Variants in KHDRBS3 observed in about 807,000 individuals in gnomAD.
KHDRBS3 encodes the protein KH domain-containing, RNA-binding, signal transduction-associated protein 3.
A neutral mutation model predicts 45.6 loss-of-function variants in KHDRBS3; 23 were observed. That is an observed-to-expected ratio of 0.50 (90% CI 0.36 to 0.72). The LOEUF (loss-of-function observed/expected upper bound fraction) is 0.72, where lower values mean the gene tolerates loss of function less well. Ranked by LOEUF, KHDRBS3 falls within the 30% of genes least tolerant of loss-of-function variation. KHDRBS3 has a pLI of 0.00. For synonymous variants in KHDRBS3, 162 were observed against 156.5 expected, an observed-to-expected ratio of 1.04 and a Z score of -0.26; for missense variants, 352 against 424.8, an observed-to-expected ratio of 0.83 and a Z score of 1.51.
At chr8:135,577,055 C>A (rs996973963) in intron 5 of KHDRBS3, among the ~76,000 whole-genome samples, 3 of 151,944 alleles carry the variant, frequency 2.0e-5, no homozygotes, top group African/African-American at 7.2e-5. Flanking sequence ...CCTGTACTTA[C>A]ACTTCTTCCT....
chr8:135,466,976 TAA>T (rs1352663525), intron 1 of KHDRBS3, among the ~76,000 whole-genome samples: 1 of 152,206 alleles, frequency 6.6e-6, no homozygotes, highest in African/African-American at 2.4e-5. Context: ...TTAAAATAAC[TAA>T]AAGAGTATAA....
intron 7 of KHDRBS3, among the ~76,000 whole-genome samples, chr8:135,609,527 T>C (rs1187231540): frequency 6.6e-6 from 1 of 152,102 alleles, no homozygotes; most frequent in African/African-American, 2.4e-5. Context: ...ACCCCTGGGC[T>C]CAAGCAGTGT....
chr8:135,581,143 C>T (rs1462314199), intron 5 of KHDRBS3, among the ~76,000 whole-genome samples: 2 of 152,298 alleles, frequency 1.3e-5, no homozygotes, highest in Non-Finnish European at 1.5e-5. Context: ...TCCTGGAGGG[C>T]CTTATCCAGA....
intron 5 of KHDRBS3, among the ~76,000 whole-genome samples, chr8:135,565,017 C>T (rs1383416666): frequency 3.9e-5 from 6 of 152,054 alleles, no homozygotes; most frequent in Non-Finnish European, 5.9e-5. Context: ...GTGGGAGACA[C>T]GTGGGAGTGC....
At chr8:135,626,188 A>G (rs1270339580) in intron 7 of KHDRBS3, among the ~76,000 whole-genome samples, 5 of 152,212 alleles carry the variant, frequency 3.3e-5, no homozygotes, top group African/African-American at 1.2e-4. Flanking sequence ...ACTTTACAAC[A>G]GTCCTATGAA....
chr8:135,590,652 G>C (rs531966809), intron 6 of KHDRBS3, among the ~76,000 whole-genome samples: 1 of 152,172 alleles, frequency 6.6e-6, no homozygotes, highest in Non-Finnish European at 1.5e-5. Context: ...ATGTTTTAAT[G>C]ATGGTAGAAA....
At chr8:135,622,346 G>A (rs544318643) in intron 7 of KHDRBS3, among the ~76,000 whole-genome samples, 5 of 152,244 alleles carry the variant, frequency 3.3e-5, no homozygotes, top group Middle Eastern at 3.4e-3. Context: ...TACTATAAGT[G>A]TCGTAGTTTA....
intron 2 of KHDRBS3, chr8:135,540,748 T>C (rs1826007300): frequency 6.6e-6 from 1 of 152,240 alleles, no homozygotes; most frequent in African/African-American, 2.4e-5. Context: ...GATACTGATA[T>C]TTCAGTAGCT....
chr8:135,586,504 G>C (rs1828482037), intron 6 of KHDRBS3, among the ~76,000 whole-genome samples: 2 of 151,356 alleles, frequency 1.3e-5, no homozygotes, highest in Non-Finnish European at 2.9e-5. Context: ...CTGGTTTTAA[G>C]CTACCCGAAG....
chr8:135,466,261 C>A (rs1024135060), intron 1 of KHDRBS3, among the ~76,000 whole-genome samples: 1 of 152,196 alleles, frequency 6.6e-6, no homozygotes, highest in Non-Finnish European at 1.5e-5. Flanking sequence ...TGAGGTATGC[C>A]TGGCACTGTA....
intron 1 of KHDRBS3, among the ~76,000 whole-genome samples, chr8:135,474,062 A>G (rs1822148437): frequency 6.6e-6 from 1 of 152,164 alleles, no homozygotes; most frequent in Non-Finnish European, 1.5e-5. Flanking sequence ...GGAATTAGTG[A>G]TGTGTCAGTT....
intron 5 of KHDRBS3, among the ~76,000 whole-genome samples, chr8:135,567,684 C>G (rs1244319359): frequency 6.6e-6 from 1 of 152,104 alleles, no homozygotes; most frequent in African/African-American, 2.4e-5. Context: ...TTTTTAAAAG[C>G]CTGAGAAATC....
chr8:135,475,876 A>G (rs1205433589), intron 1 of KHDRBS3, among the ~76,000 whole-genome samples: 1 of 152,138 alleles, frequency 6.6e-6, no homozygotes, highest in Admixed American at 6.5e-5. Context: ...TCACATGGCT[A>G]GCTGATAACC....
rs556520272 is a variant in KHDRBS3 at position 135,619,965 on chromosome 8, A to C, written c.890+12928A>C. Among the ~76,000 whole-genome samples the C allele has an allele frequency of 5.3e-5, 8 of 152,324 alleles. No individual in the cohort carries two copies. In the South Asian group the frequency reaches 1.7e-3, roughly 32 times the overall value. Reference sequence around the variant, plus strand: ...GCCTTGGCAGTTTCTAATCCCACCAAATATAGCAATATTGCTAGTGCTAGC... The same window carrying C: ...GCCTTGGCAGTTTCTAATCCCACCACATATAGCAATATTGCTAGTGCTAGC... On this transcript the variant is annotated intron_variant, in intron 7 of 8. Transcript: ENST00000355849.
At chr8:135,476,921 G>A (rs1051321361) in intron 1 of KHDRBS3, among the ~76,000 whole-genome samples, 1 of 152,172 alleles carries the variant, frequency 6.6e-6, no homozygotes, top group Non-Finnish European at 1.5e-5. Context: ...TATAGTAGAA[G>A]TTCAGAAGAG....
intron 6 of KHDRBS3, among the ~76,000 whole-genome samples, chr8:135,602,286 A>G (rs1030582774): frequency 2.0e-5 from 3 of 152,194 alleles, no homozygotes; most frequent in South Asian, 2.1e-4. Context: ...ATATGTTTCA[A>G]GCGTTGTCCA....
intron 1 of KHDRBS3, among the ~76,000 whole-genome samples, chr8:135,483,765 T>TG (rs1271381563): frequency 1.3e-5 from 2 of 152,130 alleles, no homozygotes; most frequent in Non-Finnish European, 2.9e-5. Context: ...TGGAGATACT[T>TG]GGAGTGTTTG....
chr8:135,551,931 T>A (rs890856395), intron 4 of KHDRBS3, among the ~76,000 whole-genome samples: 3 of 152,178 alleles, frequency 2.0e-5, no homozygotes, highest in African/African-American at 4.8e-5. Flanking sequence ...AATTATTGAT[T>A]GATCGTTTTT....
At chr8:135,541,339 T>C (rs1826040221) in intron 2 of KHDRBS3, 1 of 152,198 alleles carries the variant, frequency 6.6e-6, no homozygotes, top group Admixed American at 6.5e-5. Flanking sequence ...TTACTCCACT[T>C]TTTCACTCTG....
Sources: allele counts gnomAD v4.1 joint callset (sites outside exome capture counted in the v4.1 genomes callset), GRCh38; gene constraint gnomAD v4.1.1; transcripts MANE v1.5; gene names NCBI Gene and HGNC (gene_info 2026-07-23, HGNC 2026-07-21).